BACH2: variants seen among roughly 807,000 people sequenced by gnomAD.
BACH2 encodes the protein BACH transcriptional regulator 2.
A neutral mutation model predicts 61.8 loss-of-function variants in BACH2; 5 were observed. The observed-to-expected ratio is 0.08, with a 90% confidence interval of 0.04 to 0.17. BACH2 has a LOEUF of 0.17. BACH2 is among the 10% of genes least tolerant of loss of function. BACH2 has a pLI of 1.00. For missense variants in BACH2, 824 were observed against 1,091.1 expected, an observed-to-expected ratio of 0.76 and a Z score of 3.45; for synonymous variants, 446 against 440.1, an observed-to-expected ratio of 1.01 and a Z score of -0.17.
At chr6:90,166,736 T>C (rs1176461008) in intron 4 of BACH2, among the ~76,000 whole-genome samples, 1 of 152,130 alleles carries the variant, frequency 6.6e-6, no homozygotes, top group African/African-American at 2.4e-5. Flanking sequence ...TAAAAAATGA[T>C]GAGTTCATGT....
chr6:90,128,852 C>T (rs1163857811), intron 4 of BACH2, among the ~76,000 whole-genome samples: 1 of 152,072 alleles, frequency 6.6e-6, no homozygotes, highest in South Asian at 2.1e-4. Context: ...GAAAATGTGG[C>T]ACATATACAC....
chr6:90,163,702 G>A (rs1767491283), intron 4 of BACH2, among the ~76,000 whole-genome samples: 1 of 152,034 alleles, frequency 6.6e-6, no homozygotes, highest in South Asian at 2.1e-4. Context: ...GGATACTTTG[G>A]GAATGAGGCG....
intron 4 of BACH2, among the ~76,000 whole-genome samples, chr6:90,122,209 A>T (rs1783656951): frequency 6.6e-6 from 1 of 152,236 alleles, no homozygotes; most frequent in South Asian, 2.1e-4. Context: ...AAAGCACTTC[A>T]CTGGGGATGC....
At chr6:90,099,703 C>G (rs1782533340) in intron 4 of BACH2, among the ~76,000 whole-genome samples, 1 of 152,152 alleles carries the variant, frequency 6.6e-6, no homozygotes, top group South Asian at 2.1e-4. Context: ...AGAAGCAACT[C>G]CTGCTGCTTT....
chr6:90,142,704 T>C (rs893133591), intron 4 of BACH2, among the ~76,000 whole-genome samples: 3 of 152,222 alleles, frequency 2.0e-5, no homozygotes, highest in Non-Finnish European at 4.4e-5. Context: ...AAAAAGATTA[T>C]AGACATAAAA....
At chr6:90,267,700 C>T (rs1051590315) in intron 2 of BACH2, among the ~76,000 whole-genome samples, 2 of 152,012 alleles carry the variant, frequency 1.3e-5, no homozygotes, top group Admixed American at 6.6e-5. Context: ...TATTATGCAA[C>T]TGTTAAAAAG....
chr6:90,154,903 A>G (rs1388685318), intron 4 of BACH2, among the ~76,000 whole-genome samples: 2 of 152,184 alleles, frequency 1.3e-5, no homozygotes, highest in African/African-American at 4.8e-5. Context: ...GGCCCCTCCC[A>G]GTCAGCTACC....
At chr6:89,964,446 A>AT (rs1258379568) in intron 6 of BACH2, among the ~76,000 whole-genome samples, 4 of 152,048 alleles carry the variant, frequency 2.6e-5, no homozygotes, top group East Asian at 1.9e-4. Context: ...ATTTTATGTT[A>AT]TTTTTTTTAA....
chr6:90,280,991 G>T (rs962844493), intron 1 of BACH2, among the ~76,000 whole-genome samples: 1 of 152,178 alleles, frequency 6.6e-6, no homozygotes, highest in African/African-American at 2.4e-5. Flanking sequence ...TAGGTTTCCA[G>T]ACCCCTAAAC....
chr6:90,076,905 G>A (rs1781494693), intron 5 of BACH2, among the ~76,000 whole-genome samples: 1 of 152,164 alleles, frequency 6.6e-6, no homozygotes, highest in South Asian at 2.1e-4. Flanking sequence ...CAATCTTGTT[G>A]AAAATTCCCG....
At chr6:90,034,051 G>A (rs532437289) in intron 5 of BACH2, among the ~76,000 whole-genome samples, 2 of 152,244 alleles carry the variant, frequency 1.3e-5, no homozygotes, top group East Asian at 3.9e-4. Context: ...TGTCTATAAA[G>A]TTGTGCTACA....
At chr6:90,176,814 G>C (rs1344851389) in intron 4 of BACH2, among the ~76,000 whole-genome samples, 1 of 152,084 alleles carries the variant, frequency 6.6e-6, no homozygotes, top group Non-Finnish European at 1.5e-5. Context: ...CGTAGCCACA[G>C]AGTAATCTTT....
chr6:90,264,143 T>C (rs1176230550), intron 2 of BACH2, among the ~76,000 whole-genome samples: 1 of 152,210 alleles, frequency 6.6e-6, no homozygotes, highest in Non-Finnish European at 1.5e-5. Flanking sequence ...CCTTATACTT[T>C]CCAAGTTCAA....
chr6:90,055,150 A>G (rs188316645), intron 5 of BACH2, among the ~76,000 whole-genome samples: 1 of 152,348 alleles, frequency 6.6e-6, no homozygotes, highest in South Asian at 2.1e-4. Context: ...TGAGAGAAGA[A>G]GGCTTCAGAT....
chr6:89,984,667 T>C lies in BACH2; in HGVS notation c.243+23935A>G, dbSNP rs376682125. Among the ~76,000 whole-genome samples the C allele has an allele frequency of 3.9e-5, 6 of 152,328 alleles. 2 individuals carry two copies. Among genetic ancestry groups the C allele is most frequent in the African/African-American group, 2.4e-5 (1 of 41,570 alleles). On this transcript the variant is annotated intron_variant, in intron 6 of 8. Transcript: ENST00000257749. ...TGTGGTTTTCTTTGAGTAGAGATTA[T>C]ACAAAACAGACAGGGCTGGTGGACT...
At chr6:90,065,043 C>A (rs994141387) in intron 5 of BACH2, among the ~76,000 whole-genome samples, 1 of 151,786 alleles carries the variant, frequency 6.6e-6, no homozygotes, top group African/African-American at 2.4e-5. Context: ...TTGGGTGGTC[C>A]CTCCAAAGCT....
At chr6:90,101,081 C>T (rs922975145) in intron 4 of BACH2, among the ~76,000 whole-genome samples, 17 of 152,124 alleles carry the variant, frequency 1.1e-4, no homozygotes, top group Admixed American at 1.1e-3. Flanking sequence ...TTGTCCATTA[C>T]TTGTCTGGGT....
intron 4 of BACH2, among the ~76,000 whole-genome samples, chr6:90,115,456 T>C (rs1332473539): frequency 6.6e-6 from 1 of 152,142 alleles, no homozygotes; most frequent in Non-Finnish European, 1.5e-5. Flanking sequence ...CTGGGATAAC[T>C]GGCTAGCTAT....
intron 4 of BACH2, among the ~76,000 whole-genome samples, chr6:90,095,736 G>A (rs1374491910): frequency 6.6e-6 from 1 of 151,450 alleles, no homozygotes; most frequent in African/African-American, 2.4e-5. Context: ...ATACTAGCCT[G>A]TATTGATACA....
Sources: allele counts gnomAD v4.1 joint callset (sites outside exome capture counted in the v4.1 genomes callset), GRCh38; gene constraint gnomAD v4.1.1; transcripts MANE v1.5; gene names NCBI Gene and HGNC (gene_info 2026-07-23, HGNC 2026-07-21).